The following RAB27A variants were observed in gnomAD, a reference collection of about 807,000 sequenced individuals.
RAB27A encodes RAB27A, member RAS oncogene family.
RAB27A carries 17 observed loss-of-function variants against 20.8 expected under a neutral mutation model. The observed-to-expected ratio is 0.82, with a 90% CI of 0.56 to 1.23. RAB27A has a LOEUF of 1.23. Ranked by LOEUF, RAB27A falls within the 50% of genes most tolerant of loss-of-function variation. The probability of loss-of-function intolerance (pLI) is 0.00; values close to 1 mark genes in which losing one functional copy is unlikely to be tolerated. For synonymous variants in RAB27A, 85 were observed against 92.8 expected (o/e 0.92, Z 0.48); for missense variants, 277 against 266.7 (o/e 1.04, Z -0.27).
intron 2 of RAB27A, among the ~76,000 whole-genome samples, chr15:55,257,821 T>A (rs548915548): frequency 3.3e-5 from 5 of 152,020 alleles, no homozygotes; most frequent in Non-Finnish European, 7.4e-5. Flanking sequence ...GGTAAAACCC[T>A]GTCTCTACTA....
chr15:55,266,249 C>A (rs1367164557), intron 2 of RAB27A, among the ~76,000 whole-genome samples: 2 of 152,172 alleles, frequency 1.3e-5, no homozygotes, highest in African/African-American at 4.8e-5. Context: ...GTGTCTGCAA[C>A]CTGGAAGAGA....
At chr15:55,228,844 A>G in intron 4 of RAB27A, 132 bp from the exon 5 acceptor site, 1 of 717,142 alleles carries the variant, frequency 1.4e-6, no homozygotes, top group Non-Finnish European at 2.5e-6. Flanking sequence ...TCAAAAGTAT[A>G]TAGGATAGTT....
At chr15:55,260,394 C>G (rs1282097851) in intron 2 of RAB27A, among the ~76,000 whole-genome samples, 1 of 152,180 alleles carries the variant, frequency 6.6e-6, no homozygotes, top group Non-Finnish European at 1.5e-5. Flanking sequence ...GTTTACAAAG[C>G]TAAACTTACT....
intron 6 of RAB27A, among the ~76,000 whole-genome samples, chr15:55,208,089 C>T (rs1894739677): frequency 6.6e-6 from 1 of 152,142 alleles, no homozygotes; most frequent in Admixed American, 6.5e-5. Context: ...TATTGCAGAA[C>T]TATTTGTAAT....
At chr15:55,265,190 C>T (rs982995365) in intron 2 of RAB27A, among the ~76,000 whole-genome samples, 1 of 151,998 alleles carries the variant, frequency 6.6e-6, no homozygotes, top group Non-Finnish European at 1.5e-5. Flanking sequence ...TGCAGCCAGC[C>T]GAGATCGCAC....
rs777995262 is a variant in RAB27A at position 55,234,886 on chromosome 15, C to T, written c.49G>A (p.Asp17Asn). The T allele has an allele frequency of 1.2e-5, 20 of 1,612,572 alleles. 1 individual carries two copies. The South Asian group carries it at 2.2e-4, about 18-fold the overall frequency. ...DYLIKFLALG[D>N]SGVGKTSVLY... Reference sequence around the variant, plus strand: ...ACACTGGTCTTCCCTACACCAGAGTCTCCCAAAGCTAAAAACTTGATGAGG... The same window carrying T: ...ACACTGGTCTTCCCTACACCAGAGTTTCCCAAAGCTAAAAACTTGATGAGG... Residue 17 changes from aspartate to asparagine, a missense_variant, in exon 3 of 7, where the codon GAC becomes AAC. Coordinates refer to ENST00000336787, the MANE Select transcript of RAB27A (RefSeq NM_183235.3).
At chr15:55,207,289 T>C (rs1894698385) in intron 6 of RAB27A, among the ~76,000 whole-genome samples, 1 of 152,168 alleles carries the variant, frequency 6.6e-6, no homozygotes, top group South Asian at 2.1e-4. Context: ...ACAGCACTCC[T>C]GGGTATACAT....
At chr15:55,227,361 T>C (rs1895850825) in intron 5 of RAB27A, among the ~76,000 whole-genome samples, 1 of 152,126 alleles carries the variant, frequency 6.6e-6, no homozygotes, top group Non-Finnish European at 1.5e-5. Context: ...GTTCTGATGA[T>C]GCAAAGGAGG....
intron 1 of RAB27A, among the ~76,000 whole-genome samples, chr15:55,279,547 C>A (rs1008465343): frequency 2.6e-5 from 4 of 152,114 alleles, no homozygotes; most frequent in Non-Finnish European, 5.9e-5. Flanking sequence ...AGGCAAATAG[C>A]CTGTACATCA....
chr15:55,219,542 C>T (rs542179799), intron 6 of RAB27A, among the ~76,000 whole-genome samples: 2 of 152,312 alleles, frequency 1.3e-5, no homozygotes, highest in African/African-American at 4.8e-5. Context: ...GGCTCCAACC[C>T]AGACCTACTG....
intron 1 of RAB27A, among the ~76,000 whole-genome samples, chr15:55,287,773 A>G (rs1433677089): frequency 6.6e-6 from 1 of 152,188 alleles, no homozygotes; most frequent in Non-Finnish European, 1.5e-5. Flanking sequence ...TTCATATGGA[A>G]ATTCAAGGGA....
intron 6 of RAB27A, among the ~76,000 whole-genome samples, chr15:55,216,120 G>A (rs2037746556): frequency 6.6e-6 from 1 of 152,084 alleles, no homozygotes; most frequent in African/African-American, 2.4e-5. Flanking sequence ...ATGATTAAAT[G>A]AGTTAATATT....
chr15:55,270,195 T>A lies in RAB27A; in HGVS notation c.-53A>T, dbSNP rs1897661010. On this transcript the variant is annotated 5_prime_UTR_variant, in exon 2 of 7. Coordinates refer to ENST00000336787, the MANE Select transcript of RAB27A (RefSeq NM_183235.3). ...CAGGGTAGAGAACCGCTTGTTATGA[T>A]TTTCTAAAACGTTAGAGACTGGAGT... 1 of 152,020 alleles carries A rather than the reference T, an allele frequency of 6.6e-6. No individual in the cohort carries two copies. Among genetic ancestry groups the A allele is most frequent in the African/African-American group, 2.4e-5 (1 of 41,384 alleles). The allele number at this position is 152,020 out of a possible 1,614,324, so 9.4% of individuals were successfully genotyped here.
Position 55,234,823 on chromosome 15 carries a change from A to G in RAB27A, c.112T>C (p.Phe38Leu). The G allele has an allele frequency of 1.2e-6, 2 of 1,612,286 alleles. No individual in the cohort carries two copies. Among genetic ancestry groups the G allele is most frequent in the Non-Finnish European group, 1.7e-6 (2 of 1,178,620 alleles). Reference sequence around the variant, plus strand: ...AAATCAATGCCCACTGTTGTGATAAATTTGGAGTTAAATTTACCATCTGTA... The same window carrying G: ...AAATCAATGCCCACTGTTGTGATAAGTTTGGAGTTAAATTTACCATCTGTA... The part of the protein sequence containing the change: ...QYTDGKFNSK[F>L]ITTVGIDFRE... The change falls in exon 3 of 7, where the codon TTT becomes CTT. Residue 38 changes from phenylalanine (F) to leucine (L), a missense_variant. Phe to Leu is a conservative substitution (Grantham distance 22, BLOSUM62 0). Transcript: ENST00000336787.
In RAB27A at chr15:55,228,661, T is replaced by C; in HGVS notation, c.291A>G (p.Leu97=). The change falls in exon 5 of 7, where the codon CTA becomes CTG. Residue 97 remains leucine, a synonymous_variant. Coordinates refer to ENST00000336787, the MANE Select transcript of RAB27A (RefSeq NM_183235.3). The part of the protein sequence containing the change: ...AFFRDAMGFL[L]LFDLTNEQSF... ...TTTGCTCATTTGTCAGATCAAAAAG[T>C]AGAAGAAAACCCATAGCATCTCTGA... 6.2e-7 allele frequency: 1 copy of C among 1,613,780 alleles called. No homozygotes were observed. Among genetic ancestry groups the C allele is most frequent in the South Asian group, 1.1e-5 (1 of 91,074 alleles).
intron 1 of RAB27A, among the ~76,000 whole-genome samples, chr15:55,274,753 G>A (rs1482537323): frequency 7.4e-6 from 1 of 134,626 alleles, no homozygotes; most frequent in African/African-American, 2.7e-5. Flanking sequence ...ACTCCAGCCT[G>A]GGTGACACAG....
intron 6 of RAB27A, among the ~76,000 whole-genome samples, chr15:55,216,014 T>C (rs1047187566): frequency 5.3e-5 from 8 of 150,214 alleles, no homozygotes; most frequent in Admixed American, 4.6e-4. Context: ...CAAATCCTAG[T>C]AGTACATCTT....
Position 55,234,785 on chromosome 15 carries a change from TC to T in RAB27A, c.149del (p.Arg50LysfsTer35), listed in dbSNP as rs770601673. 16 of 1,609,700 alleles carry T rather than the reference TC, an allele frequency of 9.9e-6. No homozygotes were observed. Among genetic ancestry groups the T allele is most frequent in the Middle Eastern group, 1.7e-4 (1 of 6,052 alleles). Reference sequence around the variant, plus strand: ...CATAGAAGGATATAGAACTTACCACTCTTTTTTCCCTGAAATCAATGCCCAC... The same window carrying T: ...CATAGAAGGATATAGAACTTACCACTTTTTTTCCCTGAAATCAATGCCCAC... ...TTVGIDFREKRVVYRASGPDG... is the reference protein window; with the variant it reads ...TTVGIDFREKXVVYRASGPDG... On this transcript the variant is annotated frameshift_variant, in exon 3 of 7. Coordinates refer to ENST00000336787, the MANE Select transcript of RAB27A (RefSeq NM_183235.3). LOFTEE classifies it high-confidence loss of function.
At chr15:55,285,431 G>C (rs1376790951) in intron 1 of RAB27A, among the ~76,000 whole-genome samples, 2 of 151,682 alleles carry the variant, frequency 1.3e-5, no homozygotes, top group Admixed American at 1.3e-4. Flanking sequence ...AATCATACAA[G>C]TACCTGCAAA....
Sources: gnomAD v4.1 joint callset for allele counts (sites outside exome capture counted in the v4.1 genomes callset) on GRCh38, gnomAD v4.1.1 for gene constraint, MANE v1.5 for transcripts, NCBI Gene and HGNC (gene_info 2026-07-23, HGNC 2026-07-21) for gene names.